Variants in PHACTR1 observed in about 807,000 individuals in gnomAD.
The protein encoded by PHACTR1 is phosphatase and actin regulator 1, also known as RPEL repeat containing 1.
In PHACTR1, 16 loss-of-function variants were observed where a neutral mutation model predicts 69.2. The observed-to-expected ratio is 0.23, with a 90% CI of 0.16 to 0.35. The LOEUF (loss-of-function observed/expected upper bound fraction) is 0.35, where lower values mean the gene tolerates loss of function less well. Among genes scored for constraint, PHACTR1 ranks in the 10% least tolerant of loss-of-function variants. The probability of loss-of-function intolerance (pLI) is 1.00; values close to 1 mark genes in which losing one functional copy is unlikely to be tolerated. For missense variants in PHACTR1, 510 were observed against 734.7 expected, an observed-to-expected ratio of 0.69 and a Z score of 3.54; for synonymous variants, 312 against 284.5, an observed-to-expected ratio of 1.10 and a Z score of -0.97.
chr6:12,740,628 A>T (rs944398438), intron 3 of PHACTR1, among the ~76,000 whole-genome samples: 4 of 152,138 alleles, frequency 2.6e-5, no homozygotes, highest in African/African-American at 9.7e-5. Context: ...TCTTTTACAT[A>T]TTCTGGTTAT....
intron 4 of PHACTR1, among the ~76,000 whole-genome samples, chr6:12,889,839 T>C (rs1216959023): frequency 7.0e-6 from 1 of 143,208 alleles, no homozygotes; most frequent in Non-Finnish European, 1.5e-5. Context: ...CTGGCAGAGA[T>C]AGATTGGAGT....
intron 5 of PHACTR1, among the ~76,000 whole-genome samples, chr6:13,063,460 G>A (rs1285790454): frequency 6.6e-6 from 1 of 152,028 alleles, no homozygotes; most frequent in Non-Finnish European, 1.5e-5. Context: ...AGAGAGGAGA[G>A]GTTAACAGTC....
rs3037749 is a variant in PHACTR1 at position 13,284,543 on chromosome 6, AATATAT to A, written c.1650+1003_1650+1008del. ...AAAAAAAAAAAAAAAAAAAAAAAAAAATATATATATATATATATATATATATAGATA... is the reference window on the plus strand; with the variant it reads ...AAAAAAAAAAAAAAAAAAAAAAAAAAATATATATATATATATATATAGATA... On this transcript the variant is annotated intron_variant, in intron 13 of 14. Coordinates refer to ENST00000332995, the MANE Select transcript of PHACTR1 (RefSeq NM_030948.6). Among the ~76,000 whole-genome samples the A allele has an allele frequency of 9.9e-3, 605 of 61,268 alleles. 9 individuals are homozygous for A. The highest frequency in any genetic ancestry group is 0.04 in the South Asian group (69 of 1,718). 40.2% of individuals were successfully genotyped at this position (61,268 alleles called of 152,430 possible).
At chr6:12,777,072 A>G (rs1020366524) in intron 4 of PHACTR1, among the ~76,000 whole-genome samples, 1 of 152,184 alleles carries the variant, frequency 6.6e-6, no homozygotes, top group East Asian at 1.9e-4. Context: ...TGCCCATAGC[A>G]TCTATGTTTA....
At chr6:13,185,155 T>C in intron 7 of PHACTR1, 1 of 520,644 alleles carries the variant, frequency 1.9e-6, no homozygotes, top group Non-Finnish European at 3.0e-6. Flanking sequence ...TGTCTTGATA[T>C]CTGCAGTCAT....
chr6:13,165,353 A>C (rs1269599268), intron 6 of PHACTR1, among the ~76,000 whole-genome samples: 1 of 152,192 alleles, frequency 6.6e-6, no homozygotes, highest in Non-Finnish European at 1.5e-5. Context: ...ATTTGAACTT[A>C]ATTTAAACAA....
At chr6:12,912,263 G>A (rs1032741238) in intron 4 of PHACTR1, among the ~76,000 whole-genome samples, 7 of 152,198 alleles carry the variant, frequency 4.6e-5, no homozygotes, top group Admixed American at 1.3e-4. Context: ...TCCTCCCAAA[G>A]TGCTGGGATT....
At chr6:12,905,846 C>A (rs1044695103) in intron 4 of PHACTR1, among the ~76,000 whole-genome samples, 2 of 152,172 alleles carry the variant, frequency 1.3e-5, no homozygotes, top group African/African-American at 4.8e-5. Flanking sequence ...AATATTCCTA[C>A]GTGGCAACAT....
chr6:12,752,138 CTTGT>C (rs1251342739), intron 4 of PHACTR1, among the ~76,000 whole-genome samples: 4 of 152,348 alleles, frequency 2.6e-5, no homozygotes, highest in South Asian at 4.1e-4. Context: ...ACTCCTGGGG[CTTGT>C]TTATTTCCAG....
chr6:12,760,280 A>G (rs1324711986), intron 4 of PHACTR1, among the ~76,000 whole-genome samples: 6 of 152,182 alleles, frequency 3.9e-5, no homozygotes, highest in South Asian at 4.1e-4. Flanking sequence ...CCCCTATTCA[A>G]TCCTTCTTAC....
chr6:12,967,517 C>T (rs752151853), intron 4 of PHACTR1, among the ~76,000 whole-genome samples: 1 of 152,192 alleles, frequency 6.6e-6, no homozygotes, highest in Non-Finnish European at 1.5e-5. Context: ...TACACTGAAA[C>T]CAGGGAGAGA....
At chr6:12,875,610 A>G (rs1361521130) in intron 4 of PHACTR1, among the ~76,000 whole-genome samples, 1 of 152,210 alleles carries the variant, frequency 6.6e-6, no homozygotes, top group Non-Finnish European at 1.5e-5. Flanking sequence ...AATTTGACCT[A>G]AACCTATAAC....
intron 4 of PHACTR1, among the ~76,000 whole-genome samples, chr6:12,794,982 C>G (rs1473743009): frequency 6.6e-6 from 1 of 152,150 alleles, no homozygotes. Context: ...GAGGTTGTCA[C>G]AAATGACCTA....
intron 5 of PHACTR1, among the ~76,000 whole-genome samples, chr6:13,127,921 G>A (rs1321208550): frequency 6.6e-6 from 1 of 152,028 alleles, no homozygotes; most frequent in Non-Finnish European, 1.5e-5. Context: ...GATTGACTCA[G>A]TTCTGCATGG....
chr6:13,244,417 A>T (rs1773301153), intron 10 of PHACTR1, among the ~76,000 whole-genome samples: 1 of 152,166 alleles, frequency 6.6e-6, no homozygotes, highest in Non-Finnish European at 1.5e-5. Flanking sequence ...AACCAGTGTG[A>T]CCAAAATTTA....
At chr6:12,717,314 T>G (rs1761510573) in intron 1 of PHACTR1, among the ~76,000 whole-genome samples, 195 bp from the exon 2 acceptor site, 3 of 152,068 alleles carry the variant, frequency 2.0e-5, no homozygotes, top group Admixed American at 1.3e-4. Flanking sequence ...TAGCTGCAAA[T>G]CAAACTAAGA....
chr6:12,749,401 G>T, intron 3 of PHACTR1: 2 of 583,324 alleles, frequency 3.4e-6, no homozygotes. Flanking sequence ...CCTGATCTCT[G>T]CTCCAGTCCA....
chr6:12,878,976 C>T (rs1782810997), intron 4 of PHACTR1, among the ~76,000 whole-genome samples: 1 of 152,152 alleles, frequency 6.6e-6, no homozygotes, highest in African/African-American at 2.4e-5. Context: ...CTGCTTTTAT[C>T]AACAGCATTG....
chr6:13,110,424 T>C (rs1459875198), intron 5 of PHACTR1, among the ~76,000 whole-genome samples: 1 of 152,216 alleles, frequency 6.6e-6, no homozygotes, highest in East Asian at 1.9e-4. Flanking sequence ...TCACTTTTAA[T>C]GGTCAGAATT....
Sources: allele counts gnomAD v4.1 joint callset (sites outside exome capture counted in the v4.1 genomes callset), GRCh38; gene constraint gnomAD v4.1.1; transcripts MANE v1.5; gene names NCBI Gene and HGNC (gene_info 2026-07-23, HGNC 2026-07-21).